The following FKTN variants were observed in gnomAD, a reference collection of about 807,000 sequenced individuals.
FKTN encodes the protein fukutin.
Under a neutral mutation model 58.6 loss-of-function variants are expected in FKTN, and 47 were observed. The observed-to-expected ratio is 0.80, with a 90% CI of 0.63 to 1.02. The LOEUF (loss-of-function observed/expected upper bound fraction) is 1.02. Ranked by LOEUF, FKTN falls within the 50% of genes least tolerant of loss-of-function variation. FKTN has a pLI of 0.00. For missense variants in FKTN, 516 were observed against 537.3 expected (o/e 0.96, Z 0.39); for synonymous variants, 178 against 191.9 (o/e 0.93, Z 0.60).
rs117383267 is a variant in FKTN at position 105,595,850 on chromosome 9, C to A, written c.106-748C>A. Among the ~76,000 whole-genome samples, 1,296 of 152,252 alleles carry A rather than the reference C, an allele frequency of 8.5e-3. 12 individuals carry two copies. Among genetic ancestry groups the A allele is most frequent in the Middle Eastern group, 0.024 (7 of 294 alleles). On this transcript the variant is annotated intron_variant, in intron 3 of 10. Transcript: ENST00000357998. ...CCTCCCATCTATAGCTTATAGATAA[C>A]GTATGCACTCAAGGCATAAGAAACT...
At chr9:105,567,499 C>T (rs1839879665) in intron 1 of FKTN, among the ~76,000 whole-genome samples, 1 of 150,142 alleles carries the variant, frequency 6.7e-6, no homozygotes, top group Admixed American at 6.6e-5. Flanking sequence ...TCTTATACAC[C>T]AAATAACAGA....
At position 105,604,254 on chromosome 9, in the gene FKTN, T is replaced by A. The variant is rs958771636; in HGVS notation, c.409T>A (p.Cys137Ser). The A allele has an allele frequency of 1.2e-6, 2 of 1,612,916 alleles. No individual in the cohort carries two copies. Among genetic ancestry groups the A allele is most frequent in the Admixed American group, 3.3e-5 (2 of 60,016 alleles). Reference protein sequence around the residue: ...FRIAENMGFQCLKIESKDPRL... With the variant: ...FRIAENMGFQSLKIESKDPRL... Reference sequence around the variant, plus strand: ...GATAGCTGAGAATATGGGATTTCAGTGCCTAAAGATTGAGAGTAAAGATCC... The same window carrying A: ...GATAGCTGAGAATATGGGATTTCAGAGCCTAAAGATTGAGAGTAAAGATCC... The change falls in exon 6 of 11, where the codon TGC becomes AGC. Residue 137 changes from cysteine (C) to serine (S), a missense_variant. Cys to Ser is a moderately radical substitution (Grantham distance 112). Coordinates refer to ENST00000357998, the MANE Select transcript of FKTN (RefSeq NM_001079802.2).
chr9:105,573,365 T>G (rs1389380349), intron 1 of FKTN, among the ~76,000 whole-genome samples: 1 of 152,198 alleles, frequency 6.6e-6, no homozygotes, highest in East Asian at 1.9e-4. Flanking sequence ...AGCTCACACC[T>G]GTAATTCCAG....
chr9:105,581,151 CCTT>C lies in FKTN; in HGVS notation c.105+6020_105+6022del, dbSNP rs1409430215. Among the ~76,000 whole-genome samples the C allele has an allele frequency of 1.9e-3, 284 of 149,694 alleles. 2 individuals carry two copies. The highest frequency in any genetic ancestry group is 6.6e-3 in the African/African-American group (267 of 40,188). On this transcript the variant is annotated intron_variant, in intron 3 of 10. Coordinates refer to ENST00000357998, the MANE Select transcript of FKTN (RefSeq NM_001079802.2). ...CTCAGAGTAATTTGATCGTCTGAAGCCTTCTTCTCTCAGCTCGTCAAAGTCATT... is the reference window on the plus strand; with the variant it reads ...CTCAGAGTAATTTGATCGTCTGAAGCCTTCTCTCAGCTCGTCAAAGTCATT...
intron 4 of FKTN, among the ~76,000 whole-genome samples, chr9:105,598,889 GT>G (rs1827301391): frequency 6.6e-6 from 1 of 151,374 alleles, no homozygotes; most frequent in Non-Finnish European, 1.5e-5. Flanking sequence ...TTTCTTTCTT[GT>G]TTTTTTCCTA....
At chr9:105,624,556 AG>A (rs1169314342) in intron 10 of FKTN, among the ~76,000 whole-genome samples, 1 of 151,356 alleles carries the variant, frequency 6.6e-6, no homozygotes, top group African/African-American at 2.4e-5. Context: ...ACCTGAGCCC[AG>A]GAAATCTAGG....
intron 3 of FKTN, among the ~76,000 whole-genome samples, chr9:105,585,301 T>G (rs573022266): frequency 2.0e-5 from 3 of 152,254 alleles, no homozygotes; most frequent in Admixed American, 6.5e-5. Flanking sequence ...GGTGCACGCC[T>G]GTAGTCCTAG....
chr9:105,573,632 A>G lies in FKTN; in HGVS notation c.-180-23A>G, dbSNP rs544544114. The G allele has an allele frequency of 4.6e-5, 7 of 152,328 alleles. No homozygotes were observed. The East Asian group carries it at 1.3e-3, about 29-fold the overall frequency. The allele number at this position is 152,328 out of a possible 1,614,324, so 9.4% of individuals were successfully genotyped here. A position where few individuals can be genotyped will look rare whatever the true frequency, so the allele number is the denominator to read the frequency against. ...GACAAAGTGAGACCCTGTCTCAAAA[A>G]AAAAAAAATCTTTATTCTACAGATT... is the stretch of plus-strand genomic sequence containing the variant. On this transcript the variant is annotated intron_variant, in intron 1 of 10. Coordinates refer to ENST00000357998, the MANE Select transcript of FKTN (RefSeq NM_001079802.2).
At position 105,615,268 on chromosome 9, in the gene FKTN, A is replaced by T. The variant is rs2133098060; in HGVS notation, c.781-10A>T. The T allele has an allele frequency of 2.5e-6, 4 of 1,613,564 alleles. No homozygotes were observed. The South Asian group carries it at 4.4e-5, about 18-fold the overall frequency. ...TGGCTGTAATAGCTGACTATTTATT[A>T]TATCTGTAGCAGTACCTTGATGATA... is the stretch of plus-strand genomic sequence containing the variant. On this transcript the variant is annotated splice_polypyrimidine_tract_variant and intron_variant, in intron 7 of 10. Transcript: ENST00000357998.
At chr9:105,603,528 G>T (rs1013982820) in intron 5 of FKTN, among the ~76,000 whole-genome samples, 1 of 152,138 alleles carries the variant, frequency 6.6e-6, no homozygotes, top group Non-Finnish European at 1.5e-5. Context: ...GAAGATAAAG[G>T]TTATTAAAAG....
rs75075378 is a variant in FKTN at position 105,606,415 on chromosome 9, C to T, written c.648-1404C>T. Reference sequence around the variant, plus strand: ...GATTAGCTATAGTTTATAATATTAACAATTACAGGATTAAAAACATTCTTG... The same window carrying T: ...GATTAGCTATAGTTTATAATATTAATAATTACAGGATTAAAAACATTCTTG... On this transcript the variant is annotated intron_variant, in intron 6 of 10. Coordinates refer to ENST00000357998, the MANE Select transcript of FKTN (RefSeq NM_001079802.2). Among the ~76,000 whole-genome samples the T allele has an allele frequency of 6.6e-3, 1,007 of 151,962 alleles. 20 individuals carry two copies. The highest frequency in any genetic ancestry group is 0.023 in the African/African-American group (960 of 41,516).
intron 4 of FKTN, chr9:105,600,866 G>T (rs1827751100): frequency 4.1e-6 from 1 of 244,468 alleles, no homozygotes; most frequent in Admixed American, 5.0e-5. Flanking sequence ...TGGTAAATTT[G>T]TAGCTTACTG....
At position 105,635,378 on chromosome 9, in the gene FKTN, A is replaced by T; in HGVS notation, c.*114A>T. The T allele has an allele frequency of 6.5e-6, 10 of 1,540,988 alleles. No individual in the cohort carries two copies. In the South Asian group the frequency reaches 1.3e-4, roughly 19 times the overall value. ...TGGGAACCAAAGAAAAAATGTGACA[A>T]GTTTGAAGACACAGAAAGAGTCATC... On this transcript the variant is annotated 3_prime_UTR_variant, in exon 11 of 11. Coordinates refer to ENST00000357998, the MANE Select transcript of FKTN (RefSeq NM_001079802.2).
At chr9:105,580,432 G>A (rs1842666753) in intron 3 of FKTN, among the ~76,000 whole-genome samples, 1 of 143,432 alleles carries the variant, frequency 7.0e-6, no homozygotes, top group Non-Finnish European at 1.5e-5. Flanking sequence ...ATGAAGCTTA[G>A]TTTGGCTGGA....
intron 7 of FKTN, among the ~76,000 whole-genome samples, chr9:105,609,301 G>C (rs368671211): frequency 6.6e-6 from 1 of 151,986 alleles, no homozygotes; most frequent in African/African-American, 2.4e-5. Context: ...TTTTTAAAAA[G>C]CAATTTTAAA....
intron 9 of FKTN, among the ~76,000 whole-genome samples, chr9:105,619,066 A>G (rs1428880553): frequency 1.3e-5 from 2 of 152,186 alleles, no homozygotes; most frequent in African/African-American, 4.8e-5. Context: ...CTTAAAAAAA[A>G]AAAAAAAAAG....
chr9:105,640,151 C>T lies in FKTN; in HGVS notation c.*4887C>T. The T allele has an allele frequency of 2.6e-6, 4 of 1,535,348 alleles. No individual in the cohort carries two copies. In the Admixed American group the frequency reaches 7.8e-5, roughly 30 times the overall value. ...CCATTTTAAGCTGCTTCACATCAGACTGAAATCCTAATTACAGTTCATAAG... is the reference window on the plus strand; with the variant it reads ...CCATTTTAAGCTGCTTCACATCAGATTGAAATCCTAATTACAGTTCATAAG... On this transcript the variant is annotated 3_prime_UTR_variant, in exon 11 of 11. Coordinates refer to ENST00000357998, the MANE Select transcript of FKTN (RefSeq NM_001079802.2).
At position 105,581,241 on chromosome 9, in the gene FKTN, C is replaced by G. The variant is rs1195844743; in HGVS notation, c.105+6104C>G. Among the ~76,000 whole-genome samples the G allele has an allele frequency of 4.9e-3, 737 of 149,052 alleles. 8 individuals carry two copies. The highest frequency in any genetic ancestry group is 0.018 in the African/African-American group (713 of 39,906). On this transcript the variant is annotated intron_variant, in intron 3 of 10. Coordinates refer to ENST00000357998, the MANE Select transcript of FKTN (RefSeq NM_001079802.2). Reference sequence around the variant, plus strand: ...GCGTTCCTTTGTAGGAGGAGAGGCGCTCTGCGTTTTAGAGTTTCCAGTTTT... The same window carrying G: ...GCGTTCCTTTGTAGGAGGAGAGGCGGTCTGCGTTTTAGAGTTTCCAGTTTT...
At chr9:105,628,701 A>G (rs1321784441) in intron 10 of FKTN, among the ~76,000 whole-genome samples, 2 of 152,238 alleles carry the variant, frequency 1.3e-5, no homozygotes, top group African/African-American at 4.8e-5. Flanking sequence ...TAAAATTATG[A>G]TATATTCAAA....
Sources: allele counts gnomAD v4.1 joint callset (sites outside exome capture counted in the v4.1 genomes callset), GRCh38; gene constraint gnomAD v4.1.1; transcripts MANE v1.5; gene names NCBI Gene and HGNC (gene_info 2026-07-23, HGNC 2026-07-21).